BACH1: variants seen among roughly 807,000 people sequenced by gnomAD.
BACH1 encodes the protein BTB domain and CNC homolog 1, also known as transcription regulator protein BACH1.
Under a neutral mutation model 52.9 loss-of-function variants are expected in BACH1, and 35 were observed. The observed-to-expected ratio is 0.66, with a 90% CI of 0.51 to 0.88. BACH1 has a LOEUF of 0.88. BACH1 is among the 40% of genes least tolerant of loss of function. The pLI, the probability that BACH1 is intolerant of heterozygous loss-of-function variation, is 0.00. For synonymous variants in BACH1, 321 were observed against 319.6 expected, an observed-to-expected ratio of 1.00 and a Z score of -0.05; for missense variants, 808 against 872.6, an observed-to-expected ratio of 0.93 and a Z score of 0.93.
chr21:29,321,778 G>A (rs1006660779), intron 2 of BACH1, among the ~76,000 whole-genome samples: 3 of 151,540 alleles, frequency 2.0e-5, no homozygotes, highest in East Asian at 1.9e-4. Flanking sequence ...ATCAGGACAC[G>A]CCCAGTGGAT....
intron 1 of BACH1, among the ~76,000 whole-genome samples, chr21:29,315,990 A>C (rs1398086895): frequency 6.6e-6 from 1 of 152,162 alleles, no homozygotes; most frequent in East Asian, 1.9e-4. Context: ...TTTTAAAAAA[A>C]AAAATTTGAG....
At chr21:29,357,897 G>A (rs2089244612) in intron 2 of BACH1, among the ~76,000 whole-genome samples, 1 of 152,204 alleles carries the variant, frequency 6.6e-6, no homozygotes, top group Non-Finnish European at 1.5e-5. Flanking sequence ...CCATATTCAT[G>A]TAGATAATAA....
chr21:29,311,807 A>G (rs911820187), intron 1 of BACH1, among the ~76,000 whole-genome samples: 7 of 152,138 alleles, frequency 4.6e-5, no homozygotes, highest in Admixed American at 6.5e-5. Context: ...TACCATTCCC[A>G]TTCTTCCTGA....
chr21:29,348,583 T>A (rs754316501), downstream of BACH1, among the ~76,000 whole-genome samples: 3 of 152,222 alleles, frequency 2.0e-5, no homozygotes, highest in Non-Finnish European at 2.9e-5. Context: ...TTTGGCCGTA[T>A]ACACTGATCA....
intron 4 of BACH1, among the ~76,000 whole-genome samples, chr21:29,338,829 AT>A (rs934715973): frequency 6.6e-6 from 1 of 150,452 alleles, no homozygotes; most frequent in Non-Finnish European, 1.5e-5. Flanking sequence ...TAGTTTCTGG[AT>A]TTTTTTTTCC....
rs530937079 is a variant in BACH1, at chr21:29,342,340, G to A, written c.1777-59G>A. 1.5e-4 allele frequency: 222 copies of A among 1,494,394 alleles called. No individual in the cohort carries two copies. In the African/African-American group the frequency reaches 2.4e-3, roughly 16 times the overall value. The allele number at this position is 1,494,394 out of a possible 1,614,324, so 92.6% of individuals were successfully genotyped here. ...CCCCTGTATATTATTTGATCGCCTT[G>A]GAAATGTTGATTGAGCTAATAAACA... On this transcript the variant is annotated intron_variant, in intron 4 of 4. Transcript: ENST00000286800.
At chr21:29,302,073 C>T (rs1153279) in intron 1 of BACH1, among the ~76,000 whole-genome samples, 151,646 of 152,330 alleles carry the variant, frequency 1, 75,483 homozygotes, top group East Asian at 1. Context: ...CCATGACTTA[C>T]GTTTTAGGAA....
intron 1 of BACH1, among the ~76,000 whole-genome samples, chr21:29,307,229 G>A (rs1189489151): frequency 3.3e-5 from 5 of 152,156 alleles, no homozygotes; most frequent in African/African-American, 4.8e-5. Context: ...TCCCCTCCTC[G>A]AAGGGAAAGC....
chr21:29,332,004 G>A (rs1013045898), intron 4 of BACH1, among the ~76,000 whole-genome samples: 1 of 152,064 alleles, frequency 6.6e-6, no homozygotes, highest in Non-Finnish European at 1.5e-5. Context: ...GGGTTCAAGC[G>A]ATTCTCCTGT....
chr21:29,312,699 A>T (rs1053082775), intron 1 of BACH1, among the ~76,000 whole-genome samples: 2 of 152,234 alleles, frequency 1.3e-5, no homozygotes. Context: ...AATGCTGAGG[A>T]ATATAGCAAA....
downstream of BACH1, among the ~76,000 whole-genome samples, chr21:29,350,356 G>A (rs766188833): frequency 6.6e-6 from 1 of 152,130 alleles, no homozygotes; most frequent in Non-Finnish European, 1.5e-5. Context: ...CCTGAGCTAT[G>A]AAGAATTTGA....
chr21:29,300,025 C>T (rs2088585407), intron 1 of BACH1: 1 of 152,076 alleles, frequency 6.6e-6, no homozygotes, highest in African/African-American at 2.4e-5. Flanking sequence ...AGCACTTGAG[C>T]GCTTCACATA....
chr21:29,330,601 G>T (rs534763414), intron 4 of BACH1, among the ~76,000 whole-genome samples: 30 of 152,250 alleles, frequency 2.0e-4, no homozygotes, highest in Non-Finnish European at 3.5e-4. Flanking sequence ...GATAGTACAG[G>T]CCAGCTAAAG....
intron 3 of BACH1, among the ~76,000 whole-genome samples, chr21:29,328,427 A>AT (rs528699026): frequency 4.2e-4 from 63 of 151,398 alleles, no homozygotes; most frequent in Admixed American, 9.9e-4. Flanking sequence ...ATATTTTATG[A>AT]TTTTTTTTGC....
intron 2 of BACH1, among the ~76,000 whole-genome samples, chr21:29,323,890 C>T (rs944284616): frequency 8.5e-5 from 13 of 152,112 alleles, no homozygotes; most frequent in Non-Finnish European, 1.5e-4. Flanking sequence ...CTTGTACTAG[C>T]ATGTGTGTGT....
intron 1 of BACH1, among the ~76,000 whole-genome samples, chr21:29,319,066 C>G (rs948727163): frequency 1.6e-4 from 24 of 152,150 alleles, no homozygotes; most frequent in African/African-American, 5.8e-4. Context: ...GCCTTGGTTT[C>G]CACATCTGTA....
At chr21:29,335,914 A>G (rs2089039275) in intron 4 of BACH1, among the ~76,000 whole-genome samples, 1 of 152,168 alleles carries the variant, frequency 6.6e-6, no homozygotes, top group Non-Finnish European at 1.5e-5. Flanking sequence ...GAAAGCTACC[A>G]TATTATGACA....
At chr21:29,334,105 T>A (rs893544886) in intron 4 of BACH1, among the ~76,000 whole-genome samples, 11 of 151,906 alleles carry the variant, frequency 7.2e-5, no homozygotes, top group Admixed American at 3.3e-4. Context: ...TTTTTTTATT[T>A]TTTTTATTTT....
In BACH1 at chr21:29,342,569, A is replaced by G; in HGVS notation, c.1947A>G (p.Ser649=). 1.9e-6 allele frequency: 3 copies of G among 1,614,240 alleles called. No homozygotes were observed. Among genetic ancestry groups the G allele is most frequent in the Non-Finnish European group, 2.5e-6 (3 of 1,180,044 alleles). The change falls in exon 5 of 5, where the codon TCA becomes TCG. Residue 649 remains serine (S), a synonymous_variant. Coordinates refer to ENST00000286800, the MANE Select transcript of BACH1 (RefSeq NM_001186.4). ...ACTCAGCTGCAGATTGCCCACTTTC[A>G]TTTTTAATTTCTGAAAAAGATAAAA... The part of the protein sequence containing the change: ...AKYSAADCPL[S]FLISEKDKST...
Sources: allele counts gnomAD v4.1 joint callset (sites outside exome capture counted in the v4.1 genomes callset), GRCh38; gene constraint gnomAD v4.1.1; transcripts MANE v1.5; gene names NCBI Gene and HGNC (gene_info 2026-07-23, HGNC 2026-07-21).